PTPRB: variants seen among roughly 807,000 people sequenced by gnomAD.
PTPRB encodes the protein protein tyrosine phosphatase receptor type B, also known as receptor-type tyrosine-protein phosphatase beta.
In PTPRB, 97 loss-of-function variants were observed where a neutral mutation model predicts 238.1. The observed-to-expected ratio is 0.41, with a 90% CI of 0.35 to 0.48. The LOEUF is 0.48. Among genes scored for constraint, PTPRB ranks in the 20% least tolerant of loss-of-function variants. The probability of loss-of-function intolerance (pLI) is 0.30; values close to 1 mark genes in which losing one functional copy is unlikely to be tolerated. For missense variants in PTPRB, 2,292 were observed against 2,681.9 expected, an observed-to-expected ratio of 0.85 and a Z score of 3.21; for synonymous variants, 970 against 995.4, an observed-to-expected ratio of 0.97 and a Z score of 0.48.
intron 14 of PTPRB, among the ~76,000 whole-genome samples, chr12:70,568,174 A>G (rs73334251): frequency 0.062 from 9,427 of 152,132 alleles, 850 homozygotes; most frequent in African/African-American, 0.2. Context: ...TTGCTCCTCT[A>G]ACATCTCATA....
chr12:70,570,046 C>G (rs971828542), intron 13 of PTPRB, 108 bp from the exon 14 acceptor site: 90 of 1,041,008 alleles, frequency 8.6e-5, no homozygotes, highest in Non-Finnish European at 1.2e-4. Flanking sequence ...TGAGAGAACT[C>G]ACATGAAAAA....
intron 4 of PTPRB, among the ~76,000 whole-genome samples, chr12:70,607,170 T>G (rs1884013259): frequency 6.6e-6 from 1 of 152,220 alleles, no homozygotes; most frequent in African/African-American, 2.4e-5. Flanking sequence ...AGTAAGTCCT[T>G]TTCCATTACT....
At chr12:70,522,277 C>T (rs1298399536) in intron 33 of PTPRB, among the ~76,000 whole-genome samples, 1 of 152,146 alleles carries the variant, frequency 6.6e-6, no homozygotes, top group Non-Finnish European at 1.5e-5. Context: ...TACCAGTCCA[C>T]ATGGCAAGGA....
intron 31 of PTPRB, among the ~76,000 whole-genome samples, 183 bp downstream of exon 31, chr12:70,534,305 G>A (rs1409427901): frequency 6.6e-6 from 1 of 152,128 alleles, no homozygotes; most frequent in Non-Finnish European, 1.5e-5. Flanking sequence ...AAAGAAGTCA[G>A]GGAAGAGAAA....
intron 3 of PTPRB, among the ~76,000 whole-genome samples, chr12:70,614,794 A>G (rs1434485256): frequency 1.3e-5 from 2 of 152,222 alleles, no homozygotes; most frequent in African/African-American, 2.4e-5. Flanking sequence ...AACCGGCTCA[A>G]TAGTAAATTC....
intron 2 of PTPRB, among the ~76,000 whole-genome samples, chr12:70,631,230 G>C (rs1592612066): frequency 1.3e-5 from 2 of 152,200 alleles, no homozygotes; most frequent in East Asian, 1.9e-4. Flanking sequence ...CCAAAACAGA[G>C]ATATAGACCA....
intron 28 of PTPRB, among the ~76,000 whole-genome samples, chr12:70,537,311 AAG>A (rs1261518522): frequency 7.3e-5 from 11 of 150,258 alleles, no homozygotes; most frequent in Non-Finnish European, 8.9e-5. Context: ...AAAAAAAAGA[AAG>A]AAATACAGAT....
intron 5 of PTPRB, 69 bp from the exon 6 acceptor site, chr12:70,594,793 T>C (rs1295165944): frequency 6.5e-7 from 1 of 1,541,218 alleles, no homozygotes; most frequent in African/African-American, 1.4e-5. Flanking sequence ...ACACATTTAA[T>C]TAGAAGTCAC....
intron 4 of PTPRB, among the ~76,000 whole-genome samples, chr12:70,599,880 G>A (rs977517333): frequency 9.2e-5 from 14 of 152,030 alleles, no homozygotes; most frequent in Admixed American, 5.2e-4. Context: ...TGAGGCAGGA[G>A]GGTTGCTTGG....
At position 70,571,847 on chromosome 12, in the gene PTPRB, T is replaced by C. The variant is rs888727516; in HGVS notation, c.3083A>G (p.Asn1028Ser). 12 of 1,613,326 alleles carry C rather than the reference T, an allele frequency of 7.4e-6. No homozygotes were observed. The highest frequency in any genetic ancestry group is 1.0e-5 in the Non-Finnish European group (12 of 1,179,566). Residue 1028 changes from asparagine to serine, a missense_variant, in exon 12 of 34, where the codon AAT (asparagine) becomes AGT (serine). Transcript: ENST00000334414. ...ACTTGTTCTCCCATTCCCTTGTTCA[T>C]TGGCTTCATATTGTCCACTTTTTGT... ...VTTKSGQYEA[N>S]EQGNGRTIPE...
chr12:70,624,381 CTGTT>C (rs1416370596), intron 2 of PTPRB, among the ~76,000 whole-genome samples: 7 of 152,200 alleles, frequency 4.6e-5, no homozygotes, highest in Non-Finnish European at 8.8e-5. Context: ...CTCTTAGTTT[CTGTT>C]TGTTTTTGCC....
rs904407600 is a variant in PTPRB, at chr12:70,521,467, C to T, written c.*22G>A. ...AATCACACAGTGAATAATTTTTATC[C>T]AGGAGCTCTTCAGGTACATTCTCAA... On this transcript the variant is annotated 3_prime_UTR_variant, in exon 34 of 34. Transcript: ENST00000334414. 8 of 1,522,194 alleles carry T rather than the reference C, an allele frequency of 5.3e-6. No individual in the cohort carries two copies. The African/African-American group carries it at 1.1e-4, about 21-fold the overall frequency. 94.3% of individuals were successfully genotyped at this position (1,522,194 alleles called of 1,614,324 possible). A position where few individuals can be genotyped will look rare whatever the true frequency, so the allele number is the denominator to read the frequency against.
At chr12:70,543,694 G>A (rs1216910184) in intron 22 of PTPRB, among the ~76,000 whole-genome samples, 3 of 152,192 alleles carry the variant, frequency 2.0e-5, no homozygotes, top group Non-Finnish European at 2.9e-5. Context: ...AAAAGGCTAC[G>A]CAGACGATGG....
chr12:70,607,524 A>G (rs1310152073), intron 4 of PTPRB, among the ~76,000 whole-genome samples: 1 of 151,700 alleles, frequency 6.6e-6, no homozygotes, highest in African/African-American at 2.4e-5. Flanking sequence ...CCATATTAGA[A>G]ACCACCAGAT....
At chr12:70,570,373 G>T (rs1879882350) in intron 13 of PTPRB, among the ~76,000 whole-genome samples, 1 of 151,730 alleles carries the variant, frequency 6.6e-6, no homozygotes, top group Non-Finnish European at 1.5e-5. Flanking sequence ...TTGAGGTAGG[G>T]TCTCTGTCTG....
chr12:70,573,241 T>C (rs1351132811), intron 11 of PTPRB, among the ~76,000 whole-genome samples: 2 of 152,274 alleles, frequency 1.3e-5, no homozygotes, highest in East Asian at 3.9e-4. Flanking sequence ...CCCATAATTT[T>C]AGGCCTGTAT....
chr12:70,559,148 G>A (rs891874877), intron 18 of PTPRB, 195 bp downstream of exon 18: 1 of 635,606 alleles, frequency 1.6e-6, no homozygotes, highest in Non-Finnish European at 2.7e-6. Context: ...CCCCATGAGG[G>A]CAGAGAGAGA....
chr12:70,596,519 TA>T lies in PTPRB; in HGVS notation c.980-193del, dbSNP rs201056388. 6.8e-3 allele frequency among the ~76,000 whole-genome samples: 976 copies of T among 143,750 alleles called. 12 individuals are homozygous for T. Among genetic ancestry groups the T allele is most frequent in the African/African-American group, 0.021 (813 of 39,454 alleles). 94.3% of individuals were successfully genotyped at this position (143,750 alleles called of 152,430 possible). On this transcript the variant is annotated intron_variant, in intron 4 of 33. Transcript: ENST00000334414. ...TTCCAAACCTACCCTTTCACTTTCT[TA>T]AAAAAAAAAAAACCCATTTAGCTAC... is the stretch of plus-strand genomic sequence containing the variant.
intron 19 of PTPRB, 97 bp downstream of exon 19, chr12:70,555,773 T>G: frequency 2.1e-6 from 3 of 1,428,808 alleles, no homozygotes; most frequent in Non-Finnish European, 2.8e-6. Flanking sequence ...GTGAAGTGTA[T>G]GCAAGTGAAT....
Sources: gnomAD v4.1 joint callset for allele counts (sites outside exome capture counted in the v4.1 genomes callset) on GRCh38, gnomAD v4.1.1 for gene constraint, MANE v1.5 for transcripts, NCBI Gene and HGNC (gene_info 2026-07-23, HGNC 2026-07-21) for gene names.